LRP3: variants seen among roughly 807,000 people sequenced by gnomAD.
LRP3 encodes LDL receptor related protein 3.
A neutral mutation model predicts 58.5 loss-of-function variants in LRP3; 49 were observed. The observed-to-expected ratio is 0.84, with a 90% CI of 0.67 to 1.06. The LOEUF (loss-of-function observed/expected upper bound fraction) is 1.06. LRP3 is among the 50% of genes least tolerant of loss of function. The pLI is 0.00. For synonymous variants in LRP3, 485 were observed against 492.2 expected, an observed-to-expected ratio of 0.99 and a Z score of 0.20; for missense variants, 1,019 against 1,134.2, an observed-to-expected ratio of 0.90 and a Z score of 1.46.
At position 33,205,770 on chromosome 19, in the gene LRP3, G is replaced by A. The variant is rs759465405; in HGVS notation, c.1000G>A (p.Val334Met). The A allele has an allele frequency of 1.1e-5, 18 of 1,589,486 alleles. No homozygotes were observed. The highest frequency in any genetic ancestry group is 1.5e-5 in the Non-Finnish European group (17 of 1,171,802). The change falls in exon 5 of 7, where the codon GTG becomes ATG. Residue 334 changes from valine to methionine, a missense_variant. Val to Met is a conservative substitution (Grantham distance 21, BLOSUM62 1). This residue lies in a region of LRP3 where 592 missense variants were observed against 725.5 expected (regional missense o/e 0.82). Transcript: ENST00000253193. ...TLSYRSNHRP[V>M]SLEAAQGRLT... ...GTCCTACCGCAGCAACCACCGGCCC[G>A]TGAGCCTGGAGGCCGCCCAGGGCCG...
chr19:33,205,043 C>T (rs940656166), intron 4 of LRP3, 191 bp downstream of exon 4: 6 of 736,246 alleles, frequency 8.1e-6, no homozygotes, highest in Non-Finnish European at 1.1e-5. Context: ...AGGTCACTGG[C>T]CCCACTTCCC....
intron 4 of LRP3, 175 bp from the exon 5 acceptor site, chr19:33,205,071 G>A (rs1370442514): frequency 3.1e-5 from 25 of 798,762 alleles, no homozygotes; most frequent in Non-Finnish European, 4.7e-5. Context: ...GCTAGTCCTG[G>A]GAACTCACCC....
chr19:33,207,835 C>T lies in LRP3; in HGVS notation c.*260C>T, dbSNP rs77986576. On this transcript the variant is annotated 3_prime_UTR_variant, in exon 7 of 7. Coordinates refer to ENST00000253193, the MANE Select transcript of LRP3 (RefSeq NM_002333.4). ...CCCTGGGGTCTCACTTCTCTCCCCCCACTCCATTCTGGGAACCCATTTCCA... is the reference window on the plus strand; with the variant it reads ...CCCTGGGGTCTCACTTCTCTCCCCCTACTCCATTCTGGGAACCCATTTCCA... 5.6e-6 allele frequency: 3 copies of T among 531,104 alleles called. No homozygotes were observed. Among genetic ancestry groups the T allele is most frequent in the East Asian group, 3.3e-5 (1 of 29,944 alleles). The allele number at this position is 531,104 out of a possible 1,614,324, so 32.9% of individuals were successfully genotyped here.
In LRP3 at chr19:33,205,658, G is replaced by A. The variant is rs1465663224; in HGVS notation, c.888G>A (p.Leu296=). 1 of 1,609,430 alleles carries A rather than the reference G, an allele frequency of 6.2e-7. No individual in the cohort carries two copies. Among genetic ancestry groups the A allele is most frequent in the Admixed American group, 1.7e-5 (1 of 59,954 alleles). ...VDTQDSRRVL[L]QLELRLGYDD... ...CACAGGACTCCCGGCGGGTGCTGCT[G>A]CAGCTGGAACTGCGGCTGGGCTATG... The change falls in exon 5 of 7, where the codon CTG becomes CTA. Residue 296 remains leucine (L), a synonymous_variant. Coordinates refer to ENST00000253193, the MANE Select transcript of LRP3 (RefSeq NM_002333.4).
At position 33,208,833 on chromosome 19, in the gene LRP3, C is replaced by T. The variant is rs1974466322; in HGVS notation, c.*1258C>T. The T allele has an allele frequency of 2.5e-6, 4 of 1,598,788 alleles. No homozygotes were observed. The highest frequency in any genetic ancestry group is 3.4e-6 in the Non-Finnish European group (4 of 1,172,112). ...ACAAAACAAAACTTTTTTGCCAAAA[C>T]ACCTCCTCAATAAACAACATGTAAA... is the stretch of plus-strand genomic sequence containing the variant. On this transcript the variant is annotated 3_prime_UTR_variant, in exon 7 of 7. Transcript: ENST00000253193. The surrounding 1 kb of genome is among the most constrained non-coding windows in gnomAD (Gnocchi z 4.7).
intron 1 of LRP3, among the ~76,000 whole-genome samples, chr19:33,195,543 T>C (rs1001031893): frequency 2.0e-5 from 3 of 152,196 alleles, no homozygotes; most frequent in Admixed American, 6.5e-5. Context: ...CTTTATTTAC[T>C]GTGATGAAGG....
rs1228862578 is a variant in LRP3, at chr19:33,207,345, C to T, written c.2083C>T (p.Pro695Ser). Residue 695 changes from proline (P) to serine (S), a missense_variant, in exon 7 of 7, where the codon CCC becomes TCC. Pro to Ser is a moderately conservative substitution (Grantham distance 74). Transcript: ENST00000253193. ...PSGLRDPECR[P>S]VDKDRKVCRE... ...GGGCCTGCGAGACCCAGAGTGCAGG[C>T]CCGTGGACAAGGACAGAAAGGTCTG... is the stretch of plus-strand genomic sequence containing the variant. The T allele has an allele frequency of 1.9e-6, 3 of 1,585,474 alleles. No individual in the cohort carries two copies. The highest frequency in any genetic ancestry group is 2.6e-6 in the Non-Finnish European group (3 of 1,172,526).
intron 2 of LRP3, among the ~76,000 whole-genome samples, chr19:33,202,368 A>G (rs1234808620): frequency 2.6e-5 from 4 of 152,164 alleles, no homozygotes; most frequent in African/African-American, 7.2e-5. Flanking sequence ...TGTGCCTACC[A>G]TGCATGCTTG....
At chr19:33,196,339 G>A (rs1974285083) in intron 1 of LRP3, among the ~76,000 whole-genome samples, 1 of 152,268 alleles carries the variant, frequency 6.6e-6, no homozygotes, top group East Asian at 1.9e-4. Context: ...AATTGCTGGA[G>A]GCCAGGAGTT....
chr19:33,207,752 C>G lies in LRP3; in HGVS notation c.*177C>G, dbSNP rs796322775. 30,935 of 562,144 alleles carry G rather than the reference C, an allele frequency of 0.055. 850 individuals are homozygous for G. The highest frequency in any genetic ancestry group is 0.13 in the East Asian group (4,443 of 33,178). The allele number at this position is 562,144 out of a possible 1,614,324, so 34.8% of individuals were successfully genotyped here. A position where few individuals can be genotyped will look rare whatever the true frequency, so the allele number is the denominator to read the frequency against. On this transcript the variant is annotated 3_prime_UTR_variant, in exon 7 of 7. Coordinates refer to ENST00000253193, the MANE Select transcript of LRP3 (RefSeq NM_002333.4). Reference sequence around the variant, plus strand: ...GGGCGGGAGCTGTGGGACTGAACGGCGGGGGGGAGAAGAGTGGAGTGGTGA... The same window carrying G: ...GGGCGGGAGCTGTGGGACTGAACGGGGGGGGGGAGAAGAGTGGAGTGGTGA...
rs761996430 is a variant in LRP3 at position 33,206,351 on chromosome 19, G to A, written c.1581G>A (p.Thr527=). The change falls in exon 5 of 7, where the codon ACG becomes ACA. Residue 527 remains threonine, a synonymous_variant. Transcript: ENST00000253193. ...GCAFKLYSLR[T]QEYRAFETQM... The stretch of plus-strand genomic sequence containing the variant: ...CCTTCAAGCTCTACTCACTGCGCAC[G>A]CAGGAATACAGGTGGGCGCTGTGCC... 1.6e-5 allele frequency: 25 copies of A among 1,604,194 alleles called. No individual in the cohort carries two copies. Among genetic ancestry groups the A allele is most frequent in the Middle Eastern group, 1.7e-4 (1 of 6,044 alleles).
intron 2 of LRP3, among the ~76,000 whole-genome samples, chr19:33,202,522 C>T (rs1974351406): frequency 6.6e-6 from 1 of 152,214 alleles, no homozygotes; most frequent in Non-Finnish European, 1.5e-5. Flanking sequence ...CACGAGGCTA[C>T]ACCTTGGAGG....
intron 2 of LRP3, among the ~76,000 whole-genome samples, chr19:33,199,295 G>A (rs940726385): frequency 3.9e-5 from 6 of 151,992 alleles, no homozygotes; most frequent in Non-Finnish European, 7.4e-5. Context: ...CCACATGCAC[G>A]TCTGCCTCAG....
Position 33,205,410 on chromosome 19 carries a change from G to C in LRP3, c.640G>C (p.Gly214Arg). Reference protein sequence around the residue: ...ASEPPGSLCPGGTFPCSGARS... With the variant: ...ASEPPGSLCPRGTFPCSGARS... ...CGAGCCTCCAGGCAGCCTGTGCCCC[G>C]GGGGGACCTTCCCATGCAGCGGGGC... Residue 214 changes from glycine to arginine, a missense_variant, in exon 5 of 7, where the codon GGG (glycine) becomes CGG (arginine). Physicochemically the swap from Gly to Arg is moderately radical, Grantham distance 125. This residue lies in a region of LRP3 where 592 missense variants were observed against 725.5 expected (regional missense o/e 0.82). Transcript: ENST00000253193. 1.3e-6 allele frequency: 2 copies of C among 1,592,346 alleles called. No homozygotes were observed. The highest frequency in any genetic ancestry group is 1.1e-5 in the South Asian group (1 of 89,094).
At chr19:33,196,591 C>T in intron 1 of LRP3, 139 bp from the exon 2 acceptor site, 1 of 728,478 alleles carries the variant, frequency 1.4e-6, no homozygotes, top group East Asian at 2.5e-5. Context: ...CAGTCTTGGG[C>T]TGCGCTCTGG....
intron 2 of LRP3, among the ~76,000 whole-genome samples, chr19:33,201,979 T>C (rs1395924239): frequency 2.6e-5 from 4 of 152,194 alleles, no homozygotes; most frequent in South Asian, 4.1e-4. Flanking sequence ...CGGTATACAG[T>C]TGGCACTCCA....
chr19:33,207,454 C>T lies in LRP3; in HGVS notation c.2192C>T (p.Ser731Phe), dbSNP rs755596462. The change falls in exon 7 of 7, where the codon TCC becomes TTC. Residue 731 changes from serine (S) to phenylalanine (F), a missense_variant. Physicochemically the swap from Ser to Phe is radical, Grantham distance 155. Transcript: ENST00000253193. ...CSAQDPHPQVSTASSTLGPHS... is the reference protein window; with the variant it reads ...CSAQDPHPQVFTASSTLGPHS... ...GCCCAGGACCCGCACCCCCAGGTCT[C>T]CACTGCCAGCAGCACCCTGGGCCCC... 3.1e-6 allele frequency: 5 copies of T among 1,599,138 alleles called. No homozygotes were observed. The East Asian group carries it at 9.0e-5, about 29-fold the overall frequency.
At position 33,200,388 on chromosome 19, in the gene LRP3, C is replaced by T. The variant is rs528792126; in HGVS notation, c.122-2460C>T. 6.2e-3 allele frequency among the ~76,000 whole-genome samples: 437 copies of T among 70,260 alleles called. 5 individuals are homozygous for T. Among genetic ancestry groups the T allele is most frequent in the East Asian group, 3.5e-3 (14 of 3,990 alleles). The allele number at this position is 70,260 out of a possible 152,430, so 46.1% of individuals were successfully genotyped here. ...CTGGGATCACAGACGCCCAGTACCA[C>T]GCCTGGCTAATTTTATACTTTTAGT... On this transcript the variant is annotated intron_variant, in intron 2 of 6. Transcript: ENST00000253193.
chr19:33,196,325 A>G (rs1974284904), intron 1 of LRP3, among the ~76,000 whole-genome samples: 1 of 152,174 alleles, frequency 6.6e-6, no homozygotes, highest in Non-Finnish European at 1.5e-5. Context: ...GACCAAGGCA[A>G]GAGAATTGCT....
Sources: gnomAD v4.1 joint callset for allele counts (sites outside exome capture counted in the v4.1 genomes callset) on GRCh38, gnomAD v4.1.1 for gene constraint, gnomAD v4.1.1 regional missense constraint, Gnocchi (gnomAD v3.1) non-coding constraint, MANE v1.5 for transcripts, NCBI Gene and HGNC (gene_info 2026-07-23, HGNC 2026-07-21) for gene names.